ADAMTS6: variants seen among roughly 807,000 people sequenced by gnomAD.
ADAMTS6 encodes ADAM metallopeptidase with thrombospondin type 1 motif 6.
Under a neutral mutation model 144.3 loss-of-function variants are expected in ADAMTS6, and 23 were observed. The observed-to-expected ratio is 0.16, with a 90% CI of 0.11 to 0.23. The LOEUF (loss-of-function observed/expected upper bound fraction) is 0.23, where lower values mean the gene tolerates loss of function less well. Ranked by LOEUF, ADAMTS6 falls within the 10% of genes least tolerant of loss-of-function variation. The pLI is 1.00. For missense variants in ADAMTS6, 999 were observed against 1,379.6 expected, an observed-to-expected ratio of 0.72 and a Z score of 4.37; for synonymous variants, 444 against 457.5, an observed-to-expected ratio of 0.97 and a Z score of 0.38.
Position 65,205,676 on chromosome 5 carries a change from C to T in ADAMTS6, c.2576-8525G>A, listed in dbSNP as rs1046148470. On this transcript the variant is annotated intron_variant, in intron 20 of 24. Transcript: ENST00000381055. ...TAAAGGGGCCAAGGCATGACAGATTCGTTAAAAGTAATCTGAAAATTGTGT... is the reference window on the plus strand; with the variant it reads ...TAAAGGGGCCAAGGCATGACAGATTTGTTAAAAGTAATCTGAAAATTGTGT... Among the ~76,000 whole-genome samples, 4 of 152,060 alleles carry T rather than the reference C, an allele frequency of 2.6e-5. 1 individual carries two copies. The South Asian group carries it at 6.2e-4, about 24-fold the overall frequency.
intron 23 of ADAMTS6, among the ~76,000 whole-genome samples, chr5:65,171,012 A>C (rs1342658195): frequency 6.8e-6 from 1 of 147,112 alleles, no homozygotes; most frequent in Non-Finnish European, 1.5e-5. Context: ...CCACAATATT[A>C]ATTTTTTTTT....
intron 7 of ADAMTS6, among the ~76,000 whole-genome samples, chr5:65,344,906 A>G (rs1426690683): frequency 6.6e-6 from 1 of 151,774 alleles, no homozygotes; most frequent in Non-Finnish European, 1.5e-5. Flanking sequence ...AATTCTTCGG[A>G]TTCTTTTCAA....
chr5:65,179,498 C>A (rs538728585), intron 22 of ADAMTS6, among the ~76,000 whole-genome samples: 1 of 152,100 alleles, frequency 6.6e-6, no homozygotes, highest in Non-Finnish European at 1.5e-5. Flanking sequence ...AAGTTTGATA[C>A]CTGTGCTGTC....
At chr5:65,289,642 G>C (rs566082775) in intron 11 of ADAMTS6, among the ~76,000 whole-genome samples, 1 of 152,102 alleles carries the variant, frequency 6.6e-6, no homozygotes, top group East Asian at 1.9e-4. Context: ...TATAGATATA[G>C]CAAGAAGAAT....
chr5:65,249,787 A>T (rs1384219842), intron 14 of ADAMTS6, among the ~76,000 whole-genome samples: 1 of 152,228 alleles, frequency 6.6e-6, no homozygotes, highest in Non-Finnish European at 1.5e-5. Context: ...AATTTAAGAC[A>T]TGATTATAAC....
At chr5:65,225,837 AATATTTTC>A (rs1757682000) in intron 16 of ADAMTS6, among the ~76,000 whole-genome samples, 1 of 152,206 alleles carries the variant, frequency 6.6e-6, no homozygotes, top group South Asian at 2.1e-4. Flanking sequence ...TAAAATCCAA[AATATTTTC>A]ATACTTCTGG....
intron 15 of ADAMTS6, among the ~76,000 whole-genome samples, chr5:65,235,814 C>A (rs1472242058): frequency 6.6e-6 from 1 of 152,052 alleles, no homozygotes; most frequent in Non-Finnish European, 1.5e-5. Flanking sequence ...CTCTAGAGAA[C>A]CCTGACTAAT....
At chr5:65,314,299 A>G (rs185227156) in intron 9 of ADAMTS6, among the ~76,000 whole-genome samples, 1 of 152,038 alleles carries the variant, frequency 6.6e-6, no homozygotes, top group South Asian at 2.1e-4. Flanking sequence ...AACTTCCCAA[A>G]CTGAAATACA....
intron 7 of ADAMTS6, among the ~76,000 whole-genome samples, chr5:65,404,817 ACTTTTTAAT>A (rs1754295722): frequency 6.6e-6 from 1 of 152,074 alleles, no homozygotes; most frequent in Admixed American, 6.5e-5. Flanking sequence ...TTGTTTCCTG[ACTTTTTAAT>A]GATCGCCATT....
At chr5:65,194,321 T>C (rs1200882348) in intron 21 of ADAMTS6, among the ~76,000 whole-genome samples, 7 of 152,212 alleles carry the variant, frequency 4.6e-5, no homozygotes, top group Admixed American at 4.6e-4. Flanking sequence ...TACAATAGTA[T>C]CTCTAGATGT....
Position 65,298,786 on chromosome 5 carries a change from G to C in ADAMTS6, c.1370+1199C>G, listed in dbSNP as rs539467670. ...AGCTCATTTTAAACATTTATCTTTTGATTTGTTTTTTAATAAAGCATTGTG... is the reference window on the plus strand; with the variant it reads ...AGCTCATTTTAAACATTTATCTTTTCATTTGTTTTTTAATAAAGCATTGTG... On this transcript the variant is annotated intron_variant, in intron 10 of 24. Coordinates refer to ENST00000381055, the MANE Select transcript of ADAMTS6 (RefSeq NM_197941.4). Among the ~76,000 whole-genome samples, 64 of 152,066 alleles carry C rather than the reference G, an allele frequency of 4.2e-4. 1 individual carries two copies. The South Asian group carries it at 7.9e-3, about 19-fold the overall frequency.
intron 9 of ADAMTS6, among the ~76,000 whole-genome samples, chr5:65,304,793 T>C (rs745394394): frequency 3.3e-5 from 5 of 151,966 alleles, no homozygotes; most frequent in Non-Finnish European, 7.4e-5. Flanking sequence ...TCTTTAGCAC[T>C]ACACCACATA....
chr5:65,189,827 T>C (rs1433804537), intron 21 of ADAMTS6, among the ~76,000 whole-genome samples: 1 of 152,258 alleles, frequency 6.6e-6, no homozygotes, highest in Non-Finnish European at 1.5e-5. Flanking sequence ...CATTGCTGAA[T>C]AGTAAAATAT....
At chr5:65,320,132 C>T (rs1203322362) in intron 9 of ADAMTS6, among the ~76,000 whole-genome samples, 1 of 152,154 alleles carries the variant, frequency 6.6e-6, no homozygotes, top group Admixed American at 6.5e-5. Context: ...CGTAAGCCAT[C>T]GCGCCTGGCC....
At chr5:65,404,667 G>T (rs1754279693) in intron 7 of ADAMTS6, among the ~76,000 whole-genome samples, 1 of 152,138 alleles carries the variant, frequency 6.6e-6, no homozygotes, top group Admixed American at 6.5e-5. Flanking sequence ...ACCCAGTAAT[G>T]GGATGGCTGG....
At chr5:65,410,029 A>G (rs998362575) in intron 7 of ADAMTS6, among the ~76,000 whole-genome samples, 5 of 152,236 alleles carry the variant, frequency 3.3e-5, no homozygotes, top group Admixed American at 6.5e-5. Flanking sequence ...TCACAAAATT[A>G]TTTCCAACTT....
chr5:65,475,481 T>C (rs1338706672), intron 1 of ADAMTS6, among the ~76,000 whole-genome samples: 4 of 152,076 alleles, frequency 2.6e-5, no homozygotes, highest in Non-Finnish European at 5.9e-5. Context: ...ATAATCTAAG[T>C]AACAAGGAAA....
intron 7 of ADAMTS6, among the ~76,000 whole-genome samples, chr5:65,439,698 A>G (rs1179722712): frequency 6.6e-6 from 1 of 152,220 alleles, no homozygotes; most frequent in African/African-American, 2.4e-5. Context: ...TATTAAGACA[A>G]CTGATAAAAT....
At chr5:65,365,346 C>A (rs546810764) in intron 7 of ADAMTS6, among the ~76,000 whole-genome samples, 21 of 152,038 alleles carry the variant, frequency 1.4e-4, no homozygotes, top group Non-Finnish European at 2.8e-4. Flanking sequence ...GAAAATACTT[C>A]TCAATATTAA....
Sources: allele counts gnomAD v4.1 joint callset (sites outside exome capture counted in the v4.1 genomes callset), GRCh38; gene constraint gnomAD v4.1.1; transcripts MANE v1.5; gene names NCBI Gene and HGNC (gene_info 2026-07-23, HGNC 2026-07-21).